HLCS: variants seen among roughly 807,000 people sequenced by gnomAD.
The protein encoded by HLCS is biotin--protein ligase.
A neutral mutation model predicts 75.0 loss-of-function variants in HLCS; 53 were observed. That is an observed-to-expected ratio of 0.71 (90% CI 0.57 to 0.89). The LOEUF (loss-of-function observed/expected upper bound fraction) is 0.89. Among genes scored for constraint, HLCS ranks in the 40% least tolerant of loss-of-function variants. The pLI is 0.00. For missense variants in HLCS, 966 were observed against 1,074.0 expected, an observed-to-expected ratio of 0.90 and a Z score of 1.41; for synonymous variants, 431 against 428.6, an observed-to-expected ratio of 1.01 and a Z score of -0.07.
At chr21:36,803,735 TTTTG>T (rs1043969614) in intron 6 of HLCS, among the ~76,000 whole-genome samples, 6 of 119,098 alleles carry the variant, frequency 5.0e-5, no homozygotes, top group East Asian at 5.0e-4. Flanking sequence ...TTTTGTTTTG[TTTTG>T]TTTGTTTTTT....
At chr21:36,803,571 C>T (rs2061272817) in intron 6 of HLCS, among the ~76,000 whole-genome samples, 1 of 152,148 alleles carries the variant, frequency 6.6e-6, no homozygotes, top group African/African-American at 2.4e-5. Flanking sequence ...GAGCTCAGAG[C>T]CCCGACAGGT....
At chr21:36,981,815 A>G (rs1203231949) in intron 1 of HLCS, among the ~76,000 whole-genome samples, 3 of 152,132 alleles carry the variant, frequency 2.0e-5, no homozygotes. Context: ...ATTTCAAGCA[A>G]AGACTTGCAG....
intron 10 of HLCS, among the ~76,000 whole-genome samples, chr21:36,755,273 C>T (rs1447635413): frequency 6.6e-6 from 1 of 151,846 alleles, no homozygotes; most frequent in Non-Finnish European, 1.5e-5. Context: ...GTGTGGCACA[C>T]TCCTATTGTC....
At chr21:36,776,819 C>G (rs1601196274) in intron 6 of HLCS, among the ~76,000 whole-genome samples, 1 of 152,266 alleles carries the variant, frequency 6.6e-6, no homozygotes. Context: ...CTCAATTGCT[C>G]AAACCTGCCG....
At position 36,829,409 on chromosome 21, in the gene HLCS, C is replaced by T. The variant is rs147243135; in HGVS notation, c.1893-62124G>A. Among the ~76,000 whole-genome samples, 217 of 152,280 alleles carry T rather than the reference C, an allele frequency of 1.4e-3. 2 individuals carry two copies. Among genetic ancestry groups the T allele is most frequent in the African/African-American group, 5.0e-3 (209 of 41,550 alleles). On this transcript the variant is annotated intron_variant, in intron 6 of 10. Coordinates refer to ENST00000674895, the MANE Select transcript of HLCS (RefSeq NM_001352514.2). ...TTTGTCTCCAGATTCATTAAGTTGA[C>T]ACATTCCAATTTTGTGTGTCATGAC...
At chr21:36,845,623 T>C (rs2062771250) in intron 6 of HLCS, among the ~76,000 whole-genome samples, 1 of 152,196 alleles carries the variant, frequency 6.6e-6, no homozygotes, top group African/African-American at 2.4e-5. Flanking sequence ...GCCCACTTGC[T>C]GCTCAAAAAT....
rs555273181 is a variant in HLCS, at chr21:36,763,641, G to C, written c.2121+1371C>G. 4.6e-5 allele frequency among the ~76,000 whole-genome samples: 7 copies of C among 152,308 alleles called. No homozygotes were observed. In the East Asian group the frequency reaches 9.6e-4, roughly 21 times the overall value. On this transcript the variant is annotated intron_variant, in intron 8 of 10. Coordinates refer to ENST00000674895, the MANE Select transcript of HLCS (RefSeq NM_001352514.2). ...TTGAGAGTCACGCTCTTAACATCTTGCTTCAGGAATCAATCCAATCATTTC... is the reference window on the plus strand; with the variant it reads ...TTGAGAGTCACGCTCTTAACATCTTCCTTCAGGAATCAATCCAATCATTTC...
chr21:36,934,627 G>A (rs990867376), intron 4 of HLCS, among the ~76,000 whole-genome samples: 2 of 152,118 alleles, frequency 1.3e-5, no homozygotes, highest in East Asian at 1.9e-4. Context: ...ATTATGAATG[G>A]CAAAGGCATC....
upstream of HLCS, among the ~76,000 whole-genome samples, chr21:36,969,830 C>T (rs1191787888): frequency 6.6e-6 from 1 of 152,158 alleles, no homozygotes; most frequent in African/African-American, 2.4e-5. Context: ...ACCTCAGCCT[C>T]CCAACGTGCT....
chr21:36,843,700 C>T (rs1206670312), intron 6 of HLCS, among the ~76,000 whole-genome samples: 5 of 152,090 alleles, frequency 3.3e-5, no homozygotes, highest in Non-Finnish European at 7.4e-5. Flanking sequence ...TCTGTACATT[C>T]ACTTCTAAAA....
chr21:36,861,825 C>A (rs77919773), intron 6 of HLCS, among the ~76,000 whole-genome samples: 1 of 152,306 alleles, frequency 6.6e-6, no homozygotes, highest in Non-Finnish European at 1.5e-5. Context: ...TAAGACTCAA[C>A]GGTCTTGATA....
intron 6 of HLCS, among the ~76,000 whole-genome samples, chr21:36,784,891 T>C (rs776203560): frequency 6.6e-6 from 1 of 152,110 alleles, no homozygotes; most frequent in Non-Finnish European, 1.5e-5. Context: ...TTTTCCCTTA[T>C]GAAATTTACA....
intron 6 of HLCS, among the ~76,000 whole-genome samples, chr21:36,836,446 A>G (rs572837988): frequency 7.0e-6 from 1 of 142,088 alleles, no homozygotes; most frequent in East Asian, 2.3e-4. Flanking sequence ...ATATCTCCCA[A>G]TGCTATCCCT....
At chr21:36,784,255 T>C (rs926890774) in intron 6 of HLCS, among the ~76,000 whole-genome samples, 5 of 151,138 alleles carry the variant, frequency 3.3e-5, no homozygotes, top group Admixed American at 2.6e-4. Flanking sequence ...TCTGACTCAC[T>C]AGGAAAGAAT....
intron 6 of HLCS, among the ~76,000 whole-genome samples, chr21:36,781,245 G>A (rs1055649766): frequency 1.2e-4 from 17 of 138,348 alleles, no homozygotes; most frequent in East Asian, 2.1e-4. Context: ...CAACAGGAGC[G>A]TGAAACTCTG....
chr21:36,836,130 TCTC>T (rs750542440), intron 6 of HLCS, among the ~76,000 whole-genome samples: 1 of 150,060 alleles, frequency 6.7e-6, no homozygotes, highest in Non-Finnish European at 1.5e-5. Context: ...CCCGAGAAAA[TCTC>T]CTAGTCACTG....
At chr21:36,881,092 C>T (rs2064193415) in intron 6 of HLCS, among the ~76,000 whole-genome samples, 1 of 152,124 alleles carries the variant, frequency 6.6e-6, no homozygotes, top group Non-Finnish European at 1.5e-5. Context: ...GCCTCAGCCC[C>T]TCAACTAGCT....
chr21:36,801,274 A>C (rs2061191841), intron 6 of HLCS, among the ~76,000 whole-genome samples: 1 of 152,178 alleles, frequency 6.6e-6, no homozygotes. Context: ...TTCAACCTGC[A>C]ACTGACCGCT....
chr21:36,861,264 C>T (rs1347397674), intron 6 of HLCS, among the ~76,000 whole-genome samples: 1 of 152,330 alleles, frequency 6.6e-6, no homozygotes, highest in Non-Finnish European at 1.5e-5. Flanking sequence ...TCCCCTACCA[C>T]AAGAGACTGC....
Sources: allele counts gnomAD v4.1 joint callset (sites outside exome capture counted in the v4.1 genomes callset), GRCh38; gene constraint gnomAD v4.1.1; transcripts MANE v1.5; gene names NCBI Gene and HGNC (gene_info 2026-07-23, HGNC 2026-07-21).